GPM6B: variants seen among roughly 807,000 people sequenced by gnomAD.
GPM6B encodes the protein glycoprotein M6B, also known as neuronal membrane glycoprotein M6-b.
In GPM6B, 4 loss-of-function variants were observed where a neutral mutation model predicts 27.2. That is an observed-to-expected ratio of 0.15 (90% CI 0.07 to 0.34). The LOEUF is 0.34. Among genes scored for constraint, GPM6B ranks in the 10% least tolerant of loss-of-function variants. GPM6B has a pLI of 1.00. For synonymous variants in GPM6B, 124 were observed against 103.1 expected, an observed-to-expected ratio of 1.20 and a Z score of -1.23; for missense variants, 183 against 261.9, an observed-to-expected ratio of 0.70 and a Z score of 2.08.
intron 1 of GPM6B, among the ~76,000 whole-genome samples, chrX:13,928,489 T>C (rs1921318537): frequency 8.9e-6 from 1 of 112,467 alleles, no homozygotes; most frequent in African/African-American, 3.2e-5. Flanking sequence ...TGGAAATTCA[T>C]CCCTTTAAGG....
At chrX:13,908,674 T>G (rs1208395465) in intron 1 of GPM6B, among the ~76,000 whole-genome samples, 1 of 112,580 alleles carries the variant, frequency 8.9e-6, no homozygotes, top group East Asian at 2.8e-4. Context: ...TGTAAGTTGT[T>G]AAGGTTAGGG....
intron 1 of GPM6B, among the ~76,000 whole-genome samples, chrX:13,815,656 G>C (rs538971678): frequency 1.8e-5 from 2 of 111,802 alleles, no homozygotes; most frequent in South Asian, 3.7e-4. Flanking sequence ...AATTTAAAAA[G>C]TAAAATTGCT....
intron 1 of GPM6B, among the ~76,000 whole-genome samples, chrX:13,904,966 G>A (rs1208490650): frequency 9.0e-6 from 1 of 110,555 alleles, no homozygotes; most frequent in African/African-American, 3.3e-5. Context: ...CAGATGTGGT[G>A]GCTCGCACCT....
intron 4 of GPM6B, chrX:13,781,150 C>G (rs780008624): frequency 1.4e-4 from 26 of 186,947 alleles, no homozygotes; most frequent in Non-Finnish European, 2.6e-4. Context: ...TTCAGTGAGC[C>G]TTCCCTTCTG....
chrX:13,806,699 T>C (rs2049028461), intron 2 of GPM6B, among the ~76,000 whole-genome samples: 1 of 112,155 alleles, frequency 8.9e-6, no homozygotes, highest in Admixed American at 9.4e-5. Flanking sequence ...CATTGTACCT[T>C]GGGATTGCCC....
chrX:13,906,499 C>G (rs2050332779), intron 1 of GPM6B, among the ~76,000 whole-genome samples: 1 of 111,716 alleles, frequency 9.0e-6, no homozygotes, highest in Non-Finnish European at 1.9e-5. Flanking sequence ...TCTTTAACGG[C>G]TACCCATAGA....
intron 1 of GPM6B, among the ~76,000 whole-genome samples, chrX:13,816,455 G>A (rs1005729326): frequency 9.0e-6 from 1 of 111,472 alleles, no homozygotes; most frequent in Non-Finnish European, 1.9e-5. Flanking sequence ...TAACATGCAT[G>A]CCCCTCCAGT....
intron 1 of GPM6B, among the ~76,000 whole-genome samples, chrX:13,848,552 G>T (rs2049677200): frequency 1.8e-5 from 2 of 112,063 alleles, no homozygotes; most frequent in South Asian, 7.4e-4. Context: ...CTGAAAGAGG[G>T]AATGAAATAC....
At chrX:13,867,752 T>C (rs997566197) in intron 1 of GPM6B, among the ~76,000 whole-genome samples, 4 of 111,331 alleles carry the variant, frequency 3.6e-5, no homozygotes, top group Non-Finnish European at 7.5e-5. Flanking sequence ...GAACAAACGG[T>C]TGTATCCTAC....
intron 1 of GPM6B, among the ~76,000 whole-genome samples, chrX:13,815,724 C>T (rs1366947789): frequency 8.9e-6 from 1 of 112,015 alleles, no homozygotes; most frequent in Non-Finnish European, 1.9e-5. Flanking sequence ...AACAAGCAGT[C>T]TTTACCCCAG....
In GPM6B at chrX:13,792,206, T is replaced by G. The variant is rs189383355; in HGVS notation, c.182-6398A>C. 3.5e-4 allele frequency among the ~76,000 whole-genome samples: 39 copies of G among 111,238 alleles called. No homozygotes were observed. The Middle Eastern group carries it at 0.023, about 66-fold the overall frequency. ...GGACATTTGGCAATATCTGGAGATA[T>G]TTTTCGTTGCCAAAGCTGGGGGAGA... On this transcript the variant is annotated intron_variant, in intron 2 of 7. Coordinates refer to ENST00000316715, the MANE Select transcript of GPM6B (RefSeq NM_001001995.3).
chrX:13,881,238 C>T (rs1421380001), intron 1 of GPM6B, among the ~76,000 whole-genome samples: 3 of 112,292 alleles, frequency 2.7e-5, no homozygotes, highest in Non-Finnish European at 5.6e-5. Flanking sequence ...GAACTGGGCA[C>T]GTGGCTCACG....
At chrX:13,912,678 A>T (rs1404996904) in intron 1 of GPM6B, among the ~76,000 whole-genome samples, 1 of 112,238 alleles carries the variant, frequency 8.9e-6, no homozygotes, top group Non-Finnish European at 1.9e-5. Flanking sequence ...GCAATGAAAG[A>T]AATAGTTGGG....
chrX:13,900,878 C>T (rs1282271044), intron 1 of GPM6B, among the ~76,000 whole-genome samples: 1 of 111,832 alleles, frequency 8.9e-6, no homozygotes, highest in Non-Finnish European at 1.9e-5. Context: ...TCACATCATT[C>T]CTGAGTTTCC....
At chrX:13,900,888 C>G (rs1392295453) in intron 1 of GPM6B, among the ~76,000 whole-genome samples, 1 of 111,608 alleles carries the variant, frequency 9.0e-6, no homozygotes, top group African/African-American at 3.3e-5. Context: ...CCTGAGTTTC[C>G]ATAGAGTTCA....
chrX:13,879,900 C>T (rs2050076764), intron 1 of GPM6B, among the ~76,000 whole-genome samples: 1 of 111,532 alleles, frequency 9.0e-6, no homozygotes. Context: ...TGATGTTGCT[C>T]GTCCAGGAAG....
chrX:13,919,077 G>A (rs1349136933), intron 1 of GPM6B, among the ~76,000 whole-genome samples: 5 of 111,734 alleles, frequency 4.5e-5, no homozygotes, highest in African/African-American at 1.6e-4. Flanking sequence ...TTCAAATATC[G>A]TTATACCAGC....
At chrX:13,848,945 C>A (rs2049682454) in intron 1 of GPM6B, among the ~76,000 whole-genome samples, 1 of 111,441 alleles carries the variant, frequency 9.0e-6, no homozygotes, top group South Asian at 3.8e-4. Context: ...GAGAAAAAAG[C>A]CAGACACAAA....
In GPM6B at chrX:13,879,590, T is replaced by C. The variant is rs181823667; in HGVS notation, c.-198+58737A>G. 4.5e-4 allele frequency among the ~76,000 whole-genome samples: 50 copies of C among 112,317 alleles called. No homozygotes were observed. The East Asian group carries it at 0.013, about 30-fold the overall frequency. On this transcript the variant is annotated intron_variant, in intron 1 of 6. Transcript: ENST00000398361. ...CAAAAGAACCTAAATAAAACATGAA[T>C]AGCTTCAAACACAAAAGGCGTGGTT...
Sources: allele counts gnomAD v4.1 joint callset (sites outside exome capture counted in the v4.1 genomes callset), GRCh38; gene constraint gnomAD v4.1.1; transcripts MANE v1.5; gene names NCBI Gene and HGNC (gene_info 2026-07-23, HGNC 2026-07-21).